SEL1L2: variants seen among roughly 807,000 people sequenced by gnomAD.
SEL1L2 encodes the protein protein sel-1 homolog 2.
Under a neutral mutation model 98.8 loss-of-function variants are expected in SEL1L2, and 89 were observed. The observed-to-expected ratio is 0.90, with a 90% CI of 0.76 to 1.07. The LOEUF is 1.07. Ranked by LOEUF, SEL1L2 falls within the 50% of genes least tolerant of loss-of-function variation. SEL1L2 has a pLI of 0.00. For synonymous variants in SEL1L2, 262 were observed against 278.5 expected (o/e 0.94, Z 0.59); for missense variants, 788 against 812.0 (o/e 0.97, Z 0.36).
At chr20:13,910,814 C>T (rs982249233) in intron 5 of SEL1L2, among the ~76,000 whole-genome samples, 2 of 152,182 alleles carry the variant, frequency 1.3e-5, no homozygotes, top group Non-Finnish European at 2.9e-5. Flanking sequence ...GATAACCACA[C>T]TACTTAGAGT....
chr20:13,975,425 C>A (rs2051489019), intron 1 of SEL1L2, among the ~76,000 whole-genome samples: 1 of 152,198 alleles, frequency 6.6e-6, no homozygotes, highest in Admixed American at 6.5e-5. Flanking sequence ...AAATACGCAG[C>A]ACAGTCCTTT....
intron 8 of SEL1L2, 117 bp from the exon 9 acceptor site, chr20:13,886,559 C>A: frequency 1.2e-6 from 1 of 864,570 alleles, no homozygotes; most frequent in Non-Finnish European, 1.7e-6. Flanking sequence ...ATCTGTTCAA[C>A]TAATAGAGAC....
At position 13,939,040 on chromosome 20, in the gene SEL1L2, G is replaced by GGTTTTTTTTTTTT; in HGVS notation, c.115-7270_115-7269insAAAAAAAAAAAAC. On this transcript the variant is annotated intron_variant, in intron 2 of 19. Coordinates refer to ENST00000284951, the MANE Select transcript of SEL1L2 (RefSeq NM_025229.2). ...TCTTTTTGGTTTGTTTGCTTGTTTT[G>GGTTTTTTTTTTTT]TTTTTTTTTTTTTTTTTTTCTGAGA... is the stretch of plus-strand genomic sequence containing the variant. 1.3e-3 allele frequency among the ~76,000 whole-genome samples: 153 copies of GGTTTTTTTTTTTT among 114,070 alleles called. 24 individuals are homozygous for GGTTTTTTTTTTTT. Among genetic ancestry groups the GGTTTTTTTTTTTT allele is most frequent in the Non-Finnish European group, 2.0e-3 (113 of 57,532 alleles). The allele number at this position is 114,070 out of a possible 152,430, so 74.8% of individuals were successfully genotyped here. A position where few individuals can be genotyped will look rare whatever the true frequency, so the allele number is the denominator to read the frequency against.
At chr20:13,921,314 G>T (rs989820484) in intron 3 of SEL1L2, among the ~76,000 whole-genome samples, 1 of 152,256 alleles carries the variant, frequency 6.6e-6, no homozygotes, top group Admixed American at 6.5e-5. Context: ...TGGGACTACA[G>T]GTGCATGCCA....
intron 2 of SEL1L2, among the ~76,000 whole-genome samples, chr20:13,935,289 C>G (rs1359137557): frequency 2.0e-5 from 3 of 152,228 alleles, no homozygotes; most frequent in Admixed American, 6.5e-5. Context: ...AGTCCCTGCT[C>G]TCAGAGCCAG....
intron 1 of SEL1L2, among the ~76,000 whole-genome samples, chr20:13,965,736 C>T (rs1295113169): frequency 2.0e-5 from 3 of 152,024 alleles, no homozygotes; most frequent in Non-Finnish European, 2.9e-5. Context: ...GGGCAGATCA[C>T]GAGGTCAAGA....
chr20:13,966,093 C>T (rs771151718), intron 1 of SEL1L2, among the ~76,000 whole-genome samples: 8 of 151,978 alleles, frequency 5.3e-5, no homozygotes, highest in Non-Finnish European at 1.0e-4. Context: ...AAAATGGTGC[C>T]GATAGACTTG....
intron 3 of SEL1L2, among the ~76,000 whole-genome samples, chr20:13,922,628 T>A (rs2048714358): frequency 6.6e-6 from 1 of 152,178 alleles, no homozygotes; most frequent in African/African-American, 2.4e-5. Flanking sequence ...TAATTTCCCA[T>A]TTTTATCCCT....
chr20:13,913,822 T>C lies in SEL1L2; in HGVS notation c.509A>G (p.Tyr170Cys). 1 of 1,552,274 alleles carries C rather than the reference T, an allele frequency of 6.4e-7. No homozygotes were observed. Among genetic ancestry groups the C allele is most frequent in the South Asian group, 1.3e-5 (1 of 78,310 alleles). Residue 170 changes from tyrosine (Y) to cysteine (C), a missense_variant, in exon 5 of 20, where the codon TAT becomes TGT. Transcript: ENST00000284951. ...VQNITAAIQL[Y>C]ESLAKEGSCK... ...TGATCCTTCTTTAGCCAAGGACTCA[T>C]ATAATTGGATAGCTGCTGTTATATT...
chr20:13,916,710 G>T (rs1406623174), intron 4 of SEL1L2, among the ~76,000 whole-genome samples: 1 of 152,156 alleles, frequency 6.6e-6, no homozygotes, highest in African/African-American at 2.4e-5. Context: ...GGAAGCTGAG[G>T]CAGGAGAATC....
chr20:13,978,740 A>G (rs1386134833), intron 1 of SEL1L2, among the ~76,000 whole-genome samples: 1 of 152,172 alleles, frequency 6.6e-6, no homozygotes, highest in Non-Finnish European at 1.5e-5. Flanking sequence ...AATATACACA[A>G]TGAAATATTA....
At chr20:13,854,526 TG>T (rs1988829218) in intron 18 of SEL1L2, among the ~76,000 whole-genome samples, 1 of 152,178 alleles carries the variant, frequency 6.6e-6, no homozygotes, top group Non-Finnish European at 1.5e-5. Context: ...TTTTCAAGTG[TG>T]CGTGTGCCTA....
chr20:13,871,635 C>T (rs1440280115), intron 12 of SEL1L2, among the ~76,000 whole-genome samples: 1 of 151,608 alleles, frequency 6.6e-6, no homozygotes, highest in East Asian at 2.0e-4. Context: ...CCTCAGCCTC[C>T]TGAGTAACTG....
chr20:13,910,478 G>A (rs749577155), intron 5 of SEL1L2, among the ~76,000 whole-genome samples: 61 of 152,168 alleles, frequency 4.0e-4, no homozygotes, highest in Non-Finnish European at 8.1e-4. Context: ...GAGCTATTAT[G>A]TGATAGAATA....
intron 1 of SEL1L2, among the ~76,000 whole-genome samples, chr20:13,968,664 C>T (rs2051154074): frequency 6.6e-6 from 1 of 152,188 alleles, no homozygotes; most frequent in Non-Finnish European, 1.5e-5. Context: ...AAAGAAAGGA[C>T]TTACAATCTG....
At chr20:13,885,862 T>C (rs2046926785) in intron 9 of SEL1L2, among the ~76,000 whole-genome samples, 1 of 151,972 alleles carries the variant, frequency 6.6e-6, no homozygotes, top group Non-Finnish European at 1.5e-5. Flanking sequence ...GGTGAAACCC[T>C]GTCTCTACTA....
intron 18 of SEL1L2, among the ~76,000 whole-genome samples, chr20:13,852,757 T>A (rs1968570914): frequency 6.6e-6 from 1 of 152,244 alleles, no homozygotes; most frequent in African/African-American, 2.4e-5. Context: ...CTTCTTTTAA[T>A]TCAAAGATAC....
intron 15 of SEL1L2, among the ~76,000 whole-genome samples, chr20:13,866,378 C>A (rs553433639): frequency 6.6e-6 from 1 of 152,296 alleles, no homozygotes; most frequent in South Asian, 2.1e-4. Flanking sequence ...AGTAGCAACT[C>A]CCAATCCCAC....
intron 5 of SEL1L2, among the ~76,000 whole-genome samples, chr20:13,901,747 T>C (rs1257962149): frequency 6.6e-6 from 1 of 151,762 alleles, no homozygotes; most frequent in African/African-American, 2.4e-5. Context: ...CTGCAAGCTC[T>C]GCCTCCCAGG....
Sources: allele counts gnomAD v4.1 joint callset (sites outside exome capture counted in the v4.1 genomes callset), GRCh38; gene constraint gnomAD v4.1.1; transcripts MANE v1.5; gene names NCBI Gene and HGNC (gene_info 2026-07-23, HGNC 2026-07-21).